ELP3: variants seen among roughly 807,000 people sequenced by gnomAD.
The protein encoded by ELP3 is elongator complex protein 3.
A neutral mutation model predicts 74.9 loss-of-function variants in ELP3; 56 were observed. The ratio of observed to expected loss-of-function variants is 0.75; its 90% CI spans 0.60 to 0.93. The LOEUF (loss-of-function observed/expected upper bound fraction) is 0.93, where lower values mean the gene tolerates loss of function less well. ELP3 is among the 40% of genes least tolerant of loss of function. ELP3 has a pLI of 0.00. For synonymous variants in ELP3, 222 were observed against 239.8 expected (o/e 0.93, Z 0.68); for missense variants, 573 against 686.5 (o/e 0.83, Z 1.85).
At position 28,093,198 on chromosome 8, in the gene ELP3, G is replaced by A; in HGVS notation, c.-17G>A. 6.2e-7 allele frequency: 1 copy of A among 1,612,768 alleles called. No individual in the cohort carries two copies. The highest frequency in any genetic ancestry group is 8.5e-7 in the Non-Finnish European group (1 of 1,179,790). On this transcript the variant is annotated 5_prime_UTR_variant, in exon 1 of 15. Transcript: ENST00000256398. ...CTGCATTTTTATCTCTGGTGGCTCTGCTACGGCGGCGCAGAAATGAGGCAG... is the reference window on the plus strand; with the variant it reads ...CTGCATTTTTATCTCTGGTGGCTCTACTACGGCGGCGCAGAAATGAGGCAG...
chr8:28,144,602 A>G (rs1813362287), intron 10 of ELP3, among the ~76,000 whole-genome samples: 1 of 152,222 alleles, frequency 6.6e-6, no homozygotes, highest in African/African-American at 2.4e-5. Flanking sequence ...CCTAGGCAAC[A>G]GAGTAAGACC....
In ELP3 at chr8:28,189,890, T is replaced by G; in HGVS notation, c.*165T>G. The G allele has an allele frequency of 1.5e-6, 1 of 674,964 alleles. No homozygotes were observed. The highest frequency in any genetic ancestry group is 2.5e-6 in the Non-Finnish European group (1 of 402,266). The allele number at this position is 674,964 out of a possible 1,614,324, so 41.8% of individuals were successfully genotyped here. On this transcript the variant is annotated 3_prime_UTR_variant, in exon 15 of 15. Coordinates refer to ENST00000256398, the MANE Select transcript of ELP3 (RefSeq NM_018091.6). The stretch of plus-strand genomic sequence containing the variant: ...CTGCCTTCAAGGCCACGGCTGGTCA[T>G]CTGCTGACCACACCCCAGATCCGCC...
intron 11 of ELP3, among the ~76,000 whole-genome samples, chr8:28,156,459 T>C (rs1005225536): frequency 6.6e-6 from 1 of 152,198 alleles, no homozygotes; most frequent in Admixed American, 6.5e-5. Context: ...CCTCTGGCCA[T>C]TGAAGTCCCT....
chr8:28,183,757 G>A (rs1815116380), intron 14 of ELP3, among the ~76,000 whole-genome samples: 2 of 152,230 alleles, frequency 1.3e-5, no homozygotes, highest in South Asian at 4.1e-4. Context: ...CTCTGTAGCA[G>A]GGCACCCTGA....
At chr8:28,120,127 G>A (rs1812311094) in intron 7 of ELP3, among the ~76,000 whole-genome samples, 1 of 152,154 alleles carries the variant, frequency 6.6e-6, no homozygotes, top group East Asian at 1.9e-4. Flanking sequence ...ACATAGAATT[G>A]CTATGTAAGT....
intron 14 of ELP3, among the ~76,000 whole-genome samples, chr8:28,170,725 A>G (rs1814490466): frequency 6.6e-6 from 1 of 152,198 alleles, no homozygotes; most frequent in Admixed American, 6.5e-5. Flanking sequence ...TGGGGAGTTG[A>G]TAAATCATAG....
intron 1 of ELP3, among the ~76,000 whole-genome samples, chr8:28,093,928 G>A (rs1000396588): frequency 2.0e-5 from 3 of 152,232 alleles, no homozygotes; most frequent in African/African-American, 7.2e-5. Flanking sequence ...GAGATTCAAA[G>A]AGTTAAGTAA....
At chr8:28,187,374 G>A (rs762963379) in intron 14 of ELP3, among the ~76,000 whole-genome samples, 7 of 152,160 alleles carry the variant, frequency 4.6e-5, no homozygotes, top group Non-Finnish European at 1.0e-4. Flanking sequence ...TCTGGGTACT[G>A]GCAGCTCTAC....
At chr8:28,118,556 A>G (rs771574804) in intron 7 of ELP3, among the ~76,000 whole-genome samples, 20 of 152,202 alleles carry the variant, frequency 1.3e-4, no homozygotes, top group Non-Finnish European at 2.9e-4. Flanking sequence ...GAGATTCTTC[A>G]GTAGTCTCCA....
At chr8:28,148,650 G>T (rs1254723221) in intron 10 of ELP3, among the ~76,000 whole-genome samples, 1 of 152,166 alleles carries the variant, frequency 6.6e-6, no homozygotes, top group Non-Finnish European at 1.5e-5. Context: ...ATGAATGGGT[G>T]TTGGATTTTG....
At chr8:28,178,830 T>G (rs2130601979) in intron 14 of ELP3, among the ~76,000 whole-genome samples, 1 of 152,374 alleles carries the variant, frequency 6.6e-6, no homozygotes, top group South Asian at 2.1e-4. Flanking sequence ...GTGGTTTTAA[T>G]TTGCGTTCCC....
At chr8:28,092,082 T>A (rs1263163730), upstream of ELP3, among the ~76,000 whole-genome samples, 1 of 152,182 alleles carries the variant, frequency 6.6e-6, no homozygotes, top group Admixed American at 6.5e-5. Context: ...TGTTGTAAGG[T>A]AAAGACTCTG....
rs374690675 is a variant in ELP3 at position 28,108,538 on chromosome 8, CCTCCA to C, written c.393+564_393+568del. 2.4e-3 allele frequency among the ~76,000 whole-genome samples: 342 copies of C among 142,802 alleles called. 3 individuals are homozygous for C. The highest frequency in any genetic ancestry group is 8.3e-3 in the African/African-American group (318 of 38,132). The allele number at this position is 142,802 out of a possible 152,430, so 93.7% of individuals were successfully genotyped here. A position where few individuals can be genotyped will look rare whatever the true frequency, so the allele number is the denominator to read the frequency against. ...AGTGGCACGATCTCCTTCACTGCAA[CCTCCA>C]CCTCCTGGGTTCAAGTGATTCTCCT... On this transcript the variant is annotated intron_variant, in intron 5 of 14. Coordinates refer to ENST00000256398, the MANE Select transcript of ELP3 (RefSeq NM_018091.6).
At chr8:28,119,675 A>T (rs1294276054) in intron 7 of ELP3, among the ~76,000 whole-genome samples, 1 of 144,830 alleles carries the variant, frequency 6.9e-6, no homozygotes, top group Non-Finnish European at 1.5e-5. Flanking sequence ...TGACAAATGC[A>T]TATACCTGTG....
intron 6 of ELP3, among the ~76,000 whole-genome samples, chr8:28,112,153 T>A (rs1231152689): frequency 2.6e-5 from 4 of 151,826 alleles, no homozygotes; most frequent in Non-Finnish European, 5.9e-5. Flanking sequence ...ATTATTATTT[T>A]TTTTTTTTTA....
chr8:28,183,702 A>AG (rs1424421130), intron 14 of ELP3, among the ~76,000 whole-genome samples: 1 of 152,116 alleles, frequency 6.6e-6, no homozygotes, highest in Non-Finnish European at 1.5e-5. Context: ...TACAAAACAA[A>AG]GCCTGCGTTT....
At chr8:28,185,858 A>G (rs1815219673) in intron 14 of ELP3, among the ~76,000 whole-genome samples, 1 of 152,236 alleles carries the variant, frequency 6.6e-6, no homozygotes, top group Admixed American at 6.5e-5. Flanking sequence ...CTTGGGACAC[A>G]TCATTAGTGA....
chr8:28,138,207 G>A (rs539823433), intron 10 of ELP3, among the ~76,000 whole-genome samples: 1 of 152,280 alleles, frequency 6.6e-6, no homozygotes, highest in African/African-American at 2.4e-5. Context: ...CTTCCATCTA[G>A]ATGCAGTAAT....
intron 10 of ELP3, among the ~76,000 whole-genome samples, chr8:28,139,001 G>C (rs1404216554): frequency 6.6e-6 from 1 of 152,284 alleles, no homozygotes; most frequent in East Asian, 1.9e-4. Context: ...ATTAGGTGGT[G>C]CGGAGCAGTG....
Sources: allele counts gnomAD v4.1 joint callset (sites outside exome capture counted in the v4.1 genomes callset), GRCh38; gene constraint gnomAD v4.1.1; transcripts MANE v1.5; gene names NCBI Gene and HGNC (gene_info 2026-07-23, HGNC 2026-07-21).